The following TASOR2 variants were observed in gnomAD, a reference collection of about 807,000 sequenced individuals.
TASOR2 encodes the protein protein TASOR 2.
Under a neutral mutation model 199.5 loss-of-function variants are expected in TASOR2, and 84 were observed. That is an observed-to-expected ratio of 0.42 (90% CI 0.35 to 0.50). The LOEUF (loss-of-function observed/expected upper bound fraction) is 0.50. TASOR2 is among the 20% of genes least tolerant of loss of function. The probability of loss-of-function intolerance (pLI) is 0.02; values close to 1 mark genes in which losing one functional copy is unlikely to be tolerated. For missense variants in TASOR2, 2,796 were observed against 2,835.9 expected (o/e 0.99, Z 0.32); for synonymous variants, 1,103 against 1,046.6 (o/e 1.05, Z -1.04).
At chr10:5,759,052 C>T in intron 18 of TASOR2, 60 bp downstream of exon 19, 2 of 1,181,702 alleles carry the variant, frequency 1.7e-6, no homozygotes, top group African/African-American at 1.5e-5. Context: ...AGAAACGCCT[C>T]ATGTTCCATG....
chr10:5,700,272 A>AT lies in TASOR2; in HGVS notation c.-287-12541dup, dbSNP rs143599601. 4.0e-3 allele frequency among the ~76,000 whole-genome samples: 597 copies of AT among 149,006 alleles called. 5 individuals carry two copies. The highest frequency in any genetic ancestry group is 0.012 in the African/African-American group (509 of 40,738). ...GTGTTGCTGAAAATAGCAGGATTTT[A>AT]TTTTTTTTTTATGGCTGAATAATAT... On this transcript the variant is annotated intron_variant, in intron 1 of 20. Coordinates refer to ENST00000328090, the Ensembl canonical transcript of TASOR2.
At chr10:5,745,983 G>A (rs1837136907) in intron 14 of TASOR2, among the ~76,000 whole-genome samples, 196 bp from the exon 16 acceptor site, 1 of 152,022 alleles carries the variant, frequency 6.6e-6, no homozygotes, top group South Asian at 2.1e-4. Context: ...CCCACTGGGG[G>A]GTATTTTAAG....
rs1837320957 is a variant in TASOR2, at chr10:5,747,017, T to C, written c.3596T>C (p.Leu1199Pro). The change falls in exon 15 of 21, where the codon CTA becomes CCA. Residue 1199 changes from leucine (L) to proline (P), a missense_variant. Coordinates refer to ENST00000328090, the Ensembl canonical transcript of TASOR2. ...CTCGGCCTATCTTCAGAAGGGCTTC[T>C]AGAACTGACACAGGTTGAAGTGGAC... 4 of 1,614,040 alleles carry C rather than the reference T, an allele frequency of 2.5e-6. No homozygotes were observed. In the Admixed American group the frequency reaches 5.0e-5, roughly 20 times the overall value.
rs1259871754 is a variant in TASOR2, at chr10:5,687,258, G to A, written c.-288+2083G>A. Among the ~76,000 whole-genome samples the A allele has an allele frequency of 1.3e-5, 2 of 152,126 alleles. No individual in the cohort carries two copies. The highest frequency in any genetic ancestry group is 2.1e-4 in the South Asian group (1 of 4,826). On this transcript the variant is annotated intron_variant, in intron 1 of 20. Transcript: ENST00000328090. This position sits in a 1 kb window ranked among gnomAD's most constrained non-coding sequence, Gnocchi z 4.8. ...TGTGTTTCTACCCCAGGAGGAATGCGTTCCCTGCCCCCCGTTACCCTGGCC... is the reference window on the plus strand; with the variant it reads ...TGTGTTTCTACCCCAGGAGGAATGCATTCCCTGCCCCCCGTTACCCTGGCC...
Position 5,761,474 on chromosome 10 carries a change from A to G in TASOR2, c.7174+3A>G, listed in dbSNP as rs2131666864. 5.0e-6 allele frequency: 8 copies of G among 1,609,490 alleles called. No individual in the cohort carries two copies. In the South Asian group the frequency reaches 8.8e-5, roughly 18 times the overall value. ...CAGGTTTGCTGTCCTCCTAACAGGT[A>G]ATTCACAGGCGCATTTTACTCAGTT... On this transcript the variant is annotated splice_donor_region_variant and intron_variant, in intron 19 of 20. Coordinates refer to ENST00000328090, the Ensembl canonical transcript of TASOR2.
chr10:5,711,260 T>C (rs1218139602), intron 1 of TASOR2, among the ~76,000 whole-genome samples: 1 of 152,152 alleles, frequency 6.6e-6, no homozygotes, highest in Non-Finnish European at 1.5e-5. Context: ...CTAAAATGTT[T>C]GCTTTCATTT....
intron 2 of TASOR2, 103 bp from the exon 3 acceptor site, chr10:5,714,032 C>A (rs2131553334): frequency 3.7e-6 from 2 of 535,282 alleles, no homozygotes; most frequent in African/African-American, 2.1e-5. Flanking sequence ...GAGACCTTGT[C>A]TCTATTGTAT....
chr10:5,717,742 A>G lies in TASOR2; in HGVS notation c.-108A>G. Reference sequence around the variant, plus strand: ...ATCTGGTTATGTTGTAATTTTTAATATAATTAAGGTAAAGCTTAAATGTGC... The same window carrying G: ...ATCTGGTTATGTTGTAATTTTTAATGTAATTAAGGTAAAGCTTAAATGTGC... On this transcript the variant is annotated 5_prime_UTR_variant, in exon 3 of 21. In the 5' UTR this introduces an upstream ATG that the reference lacks. Transcript: ENST00000328090. 1.7e-6 allele frequency: 2 copies of G among 1,183,506 alleles called. No homozygotes were observed. Among genetic ancestry groups the G allele is most frequent in the Non-Finnish European group, 2.1e-6 (2 of 943,606 alleles). 73.3% of individuals were successfully genotyped at this position (1,183,506 alleles called of 1,614,324 possible).
exon 15 of TASOR2, chr10:5,749,567 G>A: frequency 6.2e-7 from 1 of 1,614,108 alleles, no homozygotes; most frequent in East Asian, 2.2e-5. Context: ...TCAGATCCCA[G>A]ACCACAGGGG....
At chr10:5,727,684 T>C (rs535966126) in intron 10 of TASOR2, among the ~76,000 whole-genome samples, 65 of 152,304 alleles carry the variant, frequency 4.3e-4, no homozygotes, top group African/African-American at 1.5e-3. Flanking sequence ...ACTAAAAAGA[T>C]TGAGAAACAC....
exon 15 of TASOR2, chr10:5,749,919 C>T: frequency 6.2e-7 from 1 of 1,614,136 alleles, no homozygotes; most frequent in Non-Finnish European, 8.5e-7. Flanking sequence ...TAGACGTGTG[C>T]ACCAATTTGC....
At chr10:5,747,444 C>G (rs1482902740) in exon 15 of TASOR2, 1 of 1,613,996 alleles carries the variant, frequency 6.2e-7, no homozygotes, top group Non-Finnish European at 8.5e-7. Flanking sequence ...GTTCTGCTGA[C>G]AATGTGTCAG....
chr10:5,700,436 T>G (rs184649078), intron 1 of TASOR2, among the ~76,000 whole-genome samples: 19 of 152,304 alleles, frequency 1.2e-4, no homozygotes, highest in Admixed American at 1.0e-3. Flanking sequence ...TTCTTTCTTT[T>G]GGATATATAC....
intron 10 of TASOR2, among the ~76,000 whole-genome samples, chr10:5,728,106 A>G (rs997479496): frequency 7.2e-5 from 11 of 151,792 alleles, no homozygotes; most frequent in South Asian, 4.2e-4. Flanking sequence ...CTGTGGTCCA[A>G]TCTCCTTGGG....
At position 5,730,947 on chromosome 10, in the gene TASOR2, G is replaced by T. The variant is rs371614086; in HGVS notation, c.948G>T (p.Val316=). ...AATTTCTTGTCTCAGAGGCAGAAGTGAGAAAAGAAACTGAAACAAAAAAGG... is the reference window on the plus strand; with the variant it reads ...AATTTCTTGTCTCAGAGGCAGAAGTTAGAAAAGAAACTGAAACAAAAAAGG... Residue 316 remains valine (V), a synonymous_variant, in exon 11 of 21, where the codon GTG becomes GTT. Coordinates refer to ENST00000328090, the Ensembl canonical transcript of TASOR2. The surrounding 1 kb of genome is among the most constrained non-coding windows in gnomAD (Gnocchi z 4.1). 8 of 1,614,028 alleles carry T rather than the reference G, an allele frequency of 5.0e-6. No homozygotes were observed. Among genetic ancestry groups the T allele is most frequent in the Non-Finnish European group, 8.5e-7 (1 of 1,180,040 alleles).
chr10:5,711,074 A>G (rs1282643454), intron 1 of TASOR2, among the ~76,000 whole-genome samples: 1 of 152,152 alleles, frequency 6.6e-6, no homozygotes, highest in Admixed American at 6.5e-5. Flanking sequence ...GAGCAAAAGT[A>G]AAAGTAAAAC....
At chr10:5,712,409 C>T (rs915165608) in intron 1 of TASOR2, 4 of 1,231,464 alleles carry the variant, frequency 3.2e-6, no homozygotes, top group Non-Finnish European at 3.0e-6. Flanking sequence ...GAGACAGTGT[C>T]CTTGAGTTCA....
intron 2 of TASOR2, among the ~76,000 whole-genome samples, chr10:5,717,281 GT>G (rs1832781431): frequency 1.3e-5 from 2 of 152,138 alleles, no homozygotes; most frequent in Non-Finnish European, 2.9e-5. Context: ...ATTAATAATA[GT>G]TTTTAAAGCT....
intron 2 of TASOR2, 127 bp from the exon 3 acceptor site, chr10:5,714,008 C>CT (rs1446902789): frequency 2.3e-6 from 1 of 431,538 alleles, no homozygotes; most frequent in Admixed American, 4.6e-5. Flanking sequence ...TGAGATCAGC[C>CT]TGGGCAATAT....
Sources: gnomAD v4.1 joint callset for allele counts (sites outside exome capture counted in the v4.1 genomes callset) on GRCh38, gnomAD v4.1.1 for gene constraint, Gnocchi (gnomAD v3.1) non-coding constraint, MANE v1.5 for transcripts, NCBI Gene and HGNC (gene_info 2026-07-23, HGNC 2026-07-21) for gene names.